SFMBT1: variants seen among roughly 807,000 people sequenced by gnomAD.
The protein encoded by SFMBT1 is Scm like with four mbt domains 1, also known as scm-like with four MBT domains protein 1.
A neutral mutation model predicts 108.7 loss-of-function variants in SFMBT1; 32 were observed. That is an observed-to-expected ratio of 0.29 (90% confidence interval 0.22 to 0.40). SFMBT1 has a LOEUF of 0.40. Ranked by LOEUF, SFMBT1 falls within the 10% of genes least tolerant of loss-of-function variation. SFMBT1 has a pLI of 1.00. For synonymous variants in SFMBT1, 348 were observed against 369.5 expected (o/e 0.94, Z 0.67); for missense variants, 816 against 1,059.6 (o/e 0.77, Z 3.19).
chr3:52,904,949 G>A lies in SFMBT1; in HGVS notation c.*187C>T, dbSNP rs543359750. On this transcript the variant is annotated 3_prime_UTR_variant, in exon 21 of 21. Transcript: ENST00000394752. ...GAGATGTCCACATTTCCACCAGCAG[G>A]TGATCCACTTCTGTGCACAGTTTTT... The A allele has an allele frequency of 3.5e-6, 2 of 566,032 alleles. No homozygotes were observed. The highest frequency in any genetic ancestry group is 6.6e-5 in the East Asian group (2 of 30,424). 35.1% of individuals were successfully genotyped at this position (566,032 alleles called of 1,614,324 possible).
At chr3:52,974,652 T>C (rs1272762446) in intron 1 of SFMBT1, among the ~76,000 whole-genome samples, 1 of 151,940 alleles carries the variant, frequency 6.6e-6, no homozygotes, top group Non-Finnish European at 1.5e-5. Context: ...AGTCAAGGTT[T>C]TAGTTCAATT....
At chr3:52,910,435 A>G (rs1702187970) in intron 17 of SFMBT1, among the ~76,000 whole-genome samples, 2 of 152,176 alleles carry the variant, frequency 1.3e-5, no homozygotes, top group Non-Finnish European at 2.9e-5. Flanking sequence ...AGTCTGGCCC[A>G]TGACCTGTTT....
chr3:52,923,979 A>G, intron 10 of SFMBT1, among the ~76,000 whole-genome samples: 1 of 152,202 alleles, frequency 6.6e-6, no homozygotes, highest in East Asian at 1.9e-4. Context: ...GGTCGGGGGA[A>G]AAGCAGGTCA....
intron 13 of SFMBT1, 43 bp downstream of exon 13, chr3:52,918,441 G>A: frequency 1.4e-6 from 2 of 1,458,032 alleles, no homozygotes; most frequent in Non-Finnish European, 1.8e-6. Context: ...TATTTTTCTA[G>A]ATATTCTAAC....
chr3:53,011,672 C>G (rs1698949100), intron 1 of SFMBT1, among the ~76,000 whole-genome samples: 1 of 152,098 alleles, frequency 6.6e-6, no homozygotes, highest in Non-Finnish European at 1.5e-5. Flanking sequence ...AAGATGACTC[C>G]AAATTCTAGC....
At chr3:52,988,324 A>G (rs1705000904) in intron 1 of SFMBT1, among the ~76,000 whole-genome samples, 1 of 152,348 alleles carries the variant, frequency 6.6e-6, no homozygotes. Context: ...AAGGCCCTAT[A>G]AGAACTAGAT....
rs1705001579 is a variant in SFMBT1, at chr3:52,988,342, T to C, written c.-130-19084A>G. On this transcript the variant is annotated intron_variant, in intron 1 of 20. Transcript: ENST00000394752. ...GCCCTATAAGAACTAGATTATCAGT[T>C]ATAAATATTGAGAACTTTTGGATAG... Among the ~76,000 whole-genome samples the C allele has an allele frequency of 3.3e-5, 5 of 152,314 alleles. No homozygotes were observed. In the South Asian group the frequency reaches 8.3e-4, roughly 25 times the overall value.
At position 53,034,298 on chromosome 3, in the gene SFMBT1, C is replaced by T. The variant is rs140463444; in HGVS notation, c.-131+11518G>A. On this transcript the variant is annotated intron_variant, in intron 1 of 20. Transcript: ENST00000394752. ...TCCTTGGCAAGATTCATCACTGGCA[C>T]GGGCATGGTAGCTCATGCGTATAAT... Among the ~76,000 whole-genome samples, 435 of 152,264 alleles carry T rather than the reference C, an allele frequency of 2.9e-3. 2 individuals are homozygous for T. Among genetic ancestry groups the T allele is most frequent in the Middle Eastern group, 6.8e-3 (2 of 294 alleles).
At chr3:52,916,235 A>G (rs749863994) in intron 13 of SFMBT1, 21 bp from the exon 14 acceptor site, 24 of 1,604,420 alleles carry the variant, frequency 1.5e-5, no homozygotes, top group African/African-American at 2.7e-5. Context: ...AAAACACAGT[A>G]AAATAGTGAG....
chr3:53,014,849 A>G (rs997938097), intron 1 of SFMBT1, among the ~76,000 whole-genome samples: 1 of 152,096 alleles, frequency 6.6e-6, no homozygotes, highest in Admixed American at 6.6e-5. Flanking sequence ...AATCTGGAGG[A>G]CCCCCAAAAT....
chr3:52,954,444 T>A (rs780145557), intron 2 of SFMBT1, 33 bp from the exon 3 acceptor site: 2 of 1,510,028 alleles, frequency 1.3e-6, no homozygotes, highest in Non-Finnish European at 1.8e-6. Context: ...AACAGGTGAA[T>A]CCCAATTAAA....
At chr3:52,943,279 C>T (rs1703245354) in intron 4 of SFMBT1, 74 bp downstream of exon 4, 1 of 1,593,636 alleles carries the variant, frequency 6.3e-7, no homozygotes, top group Non-Finnish European at 8.6e-7. Context: ...AGACTTAAAA[C>T]CTCAAGACTG....
chr3:52,927,851 A>G (rs1702705819), intron 9 of SFMBT1, among the ~76,000 whole-genome samples: 1 of 152,040 alleles, frequency 6.6e-6, no homozygotes, highest in African/African-American at 2.4e-5. Flanking sequence ...TGTGCATCCA[A>G]GCTCACCCCT....
chr3:53,020,229 A>T (rs2106941452), intron 1 of SFMBT1, among the ~76,000 whole-genome samples: 1 of 152,110 alleles, frequency 6.6e-6, no homozygotes, highest in South Asian at 2.1e-4. Context: ...TCTCTACTAA[A>T]AACACAAAAA....
At chr3:52,998,203 C>G (rs1420238279) in intron 1 of SFMBT1, among the ~76,000 whole-genome samples, 1 of 149,722 alleles carries the variant, frequency 6.7e-6, no homozygotes, top group Non-Finnish European at 1.5e-5. Context: ...ATCACGAGGC[C>G]AACACGGAGA....
chr3:52,988,066 C>G (rs1300346184), intron 1 of SFMBT1, among the ~76,000 whole-genome samples: 1 of 152,204 alleles, frequency 6.6e-6, no homozygotes, highest in African/African-American at 2.4e-5. Flanking sequence ...GTAACAGGCT[C>G]TGCCTCAACC....
At chr3:52,978,266 A>G (rs780254268) in intron 1 of SFMBT1, among the ~76,000 whole-genome samples, 4 of 152,062 alleles carry the variant, frequency 2.6e-5, no homozygotes, top group Non-Finnish European at 5.9e-5. Flanking sequence ...AAGCCAGCAG[A>G]AAGGGCCTAA....
chr3:52,938,889 A>C (rs1703102171), intron 4 of SFMBT1, among the ~76,000 whole-genome samples: 1 of 152,010 alleles, frequency 6.6e-6, no homozygotes, highest in South Asian at 2.1e-4. Context: ...TCCCTAGTGG[A>C]CGCCTTAGGA....
intron 1 of SFMBT1, among the ~76,000 whole-genome samples, chr3:52,996,798 G>A (rs867680426): frequency 2.7e-5 from 4 of 150,510 alleles, no homozygotes; most frequent in Middle Eastern, 3.4e-3. Context: ...GGCCGGGCAC[G>A]GTGGCTCACG....
Sources: allele counts gnomAD v4.1 joint callset (sites outside exome capture counted in the v4.1 genomes callset), GRCh38; gene constraint gnomAD v4.1.1; transcripts MANE v1.5; gene names NCBI Gene and HGNC (gene_info 2026-07-23, HGNC 2026-07-21).